Variants in MYH10 observed in about 807,000 individuals in gnomAD.
MYH10 encodes the protein myosin heavy chain 10.
MYH10 carries 55 observed loss-of-function variants against 257.8 expected under a neutral mutation model. That is an observed-to-expected ratio of 0.21 (90% confidence interval 0.17 to 0.27). The LOEUF is 0.27. MYH10 is among the 10% of genes least tolerant of loss of function. The pLI is 1.00. For synonymous variants in MYH10, 854 were observed against 921.7 expected, an observed-to-expected ratio of 0.93 and a Z score of 1.33; for missense variants, 1,631 against 2,500.6, an observed-to-expected ratio of 0.65 and a Z score of 7.42.
At chr17:8,597,963 A>G (rs968197139) in intron 3 of MYH10, among the ~76,000 whole-genome samples, 2 of 152,028 alleles carry the variant, frequency 1.3e-5, no homozygotes, top group African/African-American at 4.8e-5. Context: ...TTACATAGGA[A>G]GTACCTAGTC....
At chr17:8,500,371 A>G (rs1022790516) in intron 29 of MYH10, among the ~76,000 whole-genome samples, 8 of 152,208 alleles carry the variant, frequency 5.3e-5, no homozygotes, top group Admixed American at 2.0e-4. Flanking sequence ...AATGAATGAA[A>G]GCCAACACTG....
intron 9 of MYH10, 92 bp downstream of exon 9, chr17:8,551,954 A>G (rs2082656336): frequency 1.6e-6 from 1 of 633,482 alleles, no homozygotes; most frequent in Admixed American, 3.6e-5. Context: ...TTTTGTGTGT[A>G]AAAAACTGTT....
intron 4 of MYH10, among the ~76,000 whole-genome samples, chr17:8,582,385 A>C (rs1398058744): frequency 6.6e-6 from 1 of 151,308 alleles, no homozygotes; most frequent in Non-Finnish European, 1.5e-5. Context: ...TCCATCAACA[A>C]AATGAGATGT....
At chr17:8,519,091 G>A (rs2081568314) in intron 19 of MYH10, 141 bp from the exon 20 acceptor site, 1 of 593,146 alleles carries the variant, frequency 1.7e-6, no homozygotes, top group Non-Finnish European at 2.9e-6. Flanking sequence ...TTCAAGAAAT[G>A]AACTGGTGAT....
Position 8,480,191 on chromosome 17 carries a change from A to C in MYH10, c.5516T>G (p.Val1839Gly), listed in dbSNP as rs201873473. The change falls in exon 40 of 43, where the codon GTC becomes GGC. Residue 1839 changes from valine to glycine, a missense_variant. Val to Gly is a moderately radical substitution (Grantham distance 109, BLOSUM62 -3). Coordinates refer to ENST00000360416, the MANE Select transcript of MYH10 (RefSeq NM_001256012.3). ...GATGGTGGCCTTGAACTTAGACTTG[A>C]CAGCACCCTCGAGTTCCTGCAGCTT... ...KAKLQELEGAVKSKFKATISA... is the reference protein window; with the variant it reads ...KAKLQELEGAGKSKFKATISA... The C allele has an allele frequency of 1.1e-5, 17 of 1,614,064 alleles. No individual in the cohort carries two copies. The highest frequency in any genetic ancestry group is 1.4e-5 in the Non-Finnish European group (17 of 1,180,032).
chr17:8,561,157 A>T (rs1162441616), intron 7 of MYH10: 1 of 638,110 alleles, frequency 1.6e-6, no homozygotes, highest in Non-Finnish European at 2.8e-6. Context: ...AAACTCAGTA[A>T]CAAAAACAAA....
intron 7 of MYH10, among the ~76,000 whole-genome samples, chr17:8,564,124 G>A (rs1229528707): frequency 6.6e-6 from 1 of 152,124 alleles, no homozygotes; most frequent in Non-Finnish European, 1.5e-5. Flanking sequence ...ACAGAGAACT[G>A]GACTAACTGT....
chr17:8,595,854 C>T (rs1256860066), intron 3 of MYH10, among the ~76,000 whole-genome samples: 1 of 152,068 alleles, frequency 6.6e-6, no homozygotes, highest in Non-Finnish European at 1.5e-5. Context: ...ATACAAAGAT[C>T]CAAGACAACT....
intron 17 of MYH10, among the ~76,000 whole-genome samples, chr17:8,525,082 G>A (rs2081798000): frequency 6.6e-6 from 1 of 152,230 alleles, no homozygotes; most frequent in Non-Finnish European, 1.5e-5. Context: ...GTACAAACTA[G>A]TTGCATTTTC....
chr17:8,620,537 T>A (rs1293751735), intron 2 of MYH10, among the ~76,000 whole-genome samples: 2 of 152,006 alleles, frequency 1.3e-5, no homozygotes, highest in Non-Finnish European at 2.9e-5. Flanking sequence ...CTAAACCTGT[T>A]AGCAAGCTAA....
intron 2 of MYH10, among the ~76,000 whole-genome samples, chr17:8,622,533 A>C (rs1039879786): frequency 6.6e-6 from 1 of 152,138 alleles, no homozygotes; most frequent in African/African-American, 2.4e-5. Context: ...TTGGGTATGC[A>C]CTTGATTTTT....
intron 2 of MYH10, among the ~76,000 whole-genome samples, chr17:8,605,523 A>C (rs572245960): frequency 3.7e-4 from 56 of 152,294 alleles, no homozygotes; most frequent in African/African-American, 1.3e-3. Context: ...AGGAGGGTGG[A>C]TCACAAGGTC....
chr17:8,543,825 C>A (rs2082367178), intron 13 of MYH10, among the ~76,000 whole-genome samples: 1 of 152,112 alleles, frequency 6.6e-6, no homozygotes, highest in African/African-American at 2.4e-5. Flanking sequence ...TTTAAACTAC[C>A]AATTATAATT....
chr17:8,592,970 T>C (rs537451765), intron 3 of MYH10, among the ~76,000 whole-genome samples: 1 of 121,968 alleles, frequency 8.2e-6, no homozygotes, highest in Non-Finnish European at 1.7e-5. Context: ...TATATATATA[T>C]AAAAGATGAT....
At chr17:8,572,228 C>G (rs9747556) in intron 6 of MYH10, among the ~76,000 whole-genome samples, 7,099 of 79,398 alleles carry the variant, frequency 0.089, 224 homozygotes, top group Middle Eastern at 0.11. Flanking sequence ...CTTTTCCTCT[C>G]TGTGTGTGTG....
rs555831045 is a variant in MYH10 at position 8,491,589 on chromosome 17, T to C, written c.4671+708A>G. 6.6e-5 allele frequency among the ~76,000 whole-genome samples: 10 copies of C among 152,284 alleles called. No homozygotes were observed. In the East Asian group the frequency reaches 1.2e-3, roughly 18 times the overall value. On this transcript the variant is annotated intron_variant, in intron 34 of 42. Transcript: ENST00000360416. ...CAGTAACTTCATGAAATTGGGCAAG[T>C]ATAATGTCCATCTGGCAGATAAGGA...
intron 1 of MYH10, among the ~76,000 whole-genome samples, chr17:8,629,012 G>A (rs1195343825): frequency 2.6e-5 from 4 of 152,294 alleles, no homozygotes; most frequent in Admixed American, 1.3e-4. Context: ...AATTTAAGAT[G>A]CAGAAGTAAG....
chr17:8,628,647 A>T (rs2152116936), intron 1 of MYH10, among the ~76,000 whole-genome samples: 1 of 152,290 alleles, frequency 6.6e-6, no homozygotes, highest in South Asian at 2.1e-4. Flanking sequence ...TCACAAACAC[A>T]AACCAAACAC....
intron 2 of MYH10, among the ~76,000 whole-genome samples, chr17:8,612,509 A>C (rs2085080453): frequency 6.6e-6 from 1 of 152,184 alleles, no homozygotes; most frequent in Non-Finnish European, 1.5e-5. Context: ...CTATTTTAAT[A>C]GTTATTGTTG....
Sources: allele counts gnomAD v4.1 joint callset (sites outside exome capture counted in the v4.1 genomes callset), GRCh38; gene constraint gnomAD v4.1.1; transcripts MANE v1.5; gene names NCBI Gene and HGNC (gene_info 2026-07-23, HGNC 2026-07-21).